FHIT: variants seen among roughly 807,000 people sequenced by gnomAD.
FHIT encodes the protein bis(5'-adenosyl)-triphosphatase.
Under a neutral mutation model 17.9 loss-of-function variants are expected in FHIT, and 19 were observed. The ratio of observed to expected loss-of-function variants is 1.06; its 90% CI spans 0.74 to 1.56. FHIT has a LOEUF of 1.56. Among genes scored for constraint, FHIT ranks in the 40% most tolerant of loss-of-function variants. The pLI, the probability that FHIT is intolerant of heterozygous loss-of-function variation, is 0.00. For synonymous variants in FHIT, 81 were observed against 69.7 expected, an observed-to-expected ratio of 1.16 and a Z score of -0.81; for missense variants, 248 against 189.2, an observed-to-expected ratio of 1.31 and a Z score of -1.82.
chr3:61,165,831 G>GA (rs1466557308), intron 2 of FHIT: 8 of 149,766 alleles, frequency 5.3e-5, no homozygotes, highest in Non-Finnish European at 1.2e-4. Context: ...GTGAGACTCT[G>GA]AAAAAAAAAG....
chr3:60,317,161 T>A (rs1230128247), intron 5 of FHIT, among the ~76,000 whole-genome samples: 1 of 151,428 alleles, frequency 6.6e-6, no homozygotes, highest in Non-Finnish European at 1.5e-5. Context: ...ATTATATTTT[T>A]AAAAATTCAA....
chr3:60,952,980 A>T (rs557742681), intron 3 of FHIT, among the ~76,000 whole-genome samples: 7 of 152,266 alleles, frequency 4.6e-5, no homozygotes, highest in African/African-American at 1.7e-4. Flanking sequence ...CTTTTCTCCC[A>T]TTAATCTATC....
At chr3:59,785,255 C>T (rs1702788059) in intron 8 of FHIT, among the ~76,000 whole-genome samples, 1 of 151,642 alleles carries the variant, frequency 6.6e-6, no homozygotes, top group Non-Finnish European at 1.5e-5. Flanking sequence ...CTATTTATGG[C>T]ATATTATAAA....
intron 7 of FHIT, among the ~76,000 whole-genome samples, chr3:59,952,934 T>C (rs1707194394): frequency 6.6e-6 from 1 of 152,046 alleles, no homozygotes; most frequent in African/African-American, 2.4e-5. Flanking sequence ...TTGAGTAGAA[T>C]GGTCCACAAT....
intron 4 of FHIT, among the ~76,000 whole-genome samples, chr3:60,689,967 T>C (rs1553699186): frequency 6.6e-6 from 1 of 152,236 alleles, no homozygotes; most frequent in Admixed American, 6.5e-5. Flanking sequence ...GTTTAATTAT[T>C]AACAACCAGC....
intron 5 of FHIT, among the ~76,000 whole-genome samples, chr3:60,028,777 C>G (rs1700860788): frequency 1.3e-5 from 2 of 152,094 alleles, no homozygotes; most frequent in African/African-American, 4.8e-5. Flanking sequence ...TTAGTAAAGA[C>G]AAACTTATTA....
intron 5 of FHIT, among the ~76,000 whole-genome samples, chr3:60,514,261 T>C (rs2035060899): frequency 6.6e-6 from 1 of 152,234 alleles, no homozygotes; most frequent in Admixed American, 6.5e-5. Context: ...ATGGCAAGGC[T>C]AAAAGAGCAT....
intron 4 of FHIT, among the ~76,000 whole-genome samples, chr3:60,694,568 A>G (rs1376052638): frequency 5.3e-5 from 8 of 152,234 alleles, no homozygotes; most frequent in African/African-American, 1.9e-4. Flanking sequence ...TACTGGGTAT[A>G]TACCCAAAGG....
In FHIT at chr3:60,537,565, G is replaced by A. The variant is rs938690683; in HGVS notation, c.-17-586C>T. On this transcript the variant is annotated intron_variant, in intron 4 of 9. Coordinates refer to ENST00000492590, the MANE Select transcript of FHIT (RefSeq NM_002012.4). ...TTAAAAAGAAGGAAGGAGCAAAACG[G>A]AGTTCAAAACTAGAACAATTCCTGG... is the stretch of plus-strand genomic sequence containing the variant. The A allele has an allele frequency of 1.1e-5, 6 of 556,314 alleles. No individual in the cohort carries two copies. The African/African-American group carries it at 1.2e-4, about 11-fold the overall frequency. 34.5% of individuals were successfully genotyped at this position (556,314 alleles called of 1,614,324 possible).
intron 7 of FHIT, among the ~76,000 whole-genome samples, chr3:59,985,824 C>T (rs779438941): frequency 3.7e-4 from 57 of 152,028 alleles, no homozygotes; most frequent in Non-Finnish European, 6.6e-4. Context: ...TCCGTCACAG[C>T]GCAGGTGTCC....
chr3:59,961,622 T>C (rs983895534), intron 7 of FHIT, among the ~76,000 whole-genome samples: 18 of 152,068 alleles, frequency 1.2e-4, no homozygotes, highest in African/African-American at 4.3e-4. Flanking sequence ...GAGCGCACCA[T>C]TCCTCAAGGC....
chr3:60,169,005 T>TA (rs1411224972), intron 5 of FHIT, among the ~76,000 whole-genome samples: 1 of 152,140 alleles, frequency 6.6e-6, no homozygotes, highest in Non-Finnish European at 1.5e-5. Context: ...GCACTTGAAA[T>TA]ACAGTTGGAG....
In FHIT at chr3:60,252,814, C is replaced by A. The variant is rs186941402; in HGVS notation, c.104-238662G>T. Among the ~76,000 whole-genome samples the A allele has an allele frequency of 3.4e-5, 5 of 146,224 alleles. 1 individual carries two copies. In the South Asian group the frequency reaches 1.1e-3, roughly 33 times the overall value. On this transcript the variant is annotated intron_variant, in intron 5 of 9. Transcript: ENST00000492590. Reference sequence around the variant, plus strand: ...GACCATCCTGGCTAACAAGGCGAAACCCCTTCTCAACTTAAAAAAAAATAC... The same window carrying A: ...GACCATCCTGGCTAACAAGGCGAAAACCCTTCTCAACTTAAAAAAAAATAC...
chr3:61,193,733 A>G (rs1197516261), intron 2 of FHIT, among the ~76,000 whole-genome samples: 1 of 152,174 alleles, frequency 6.6e-6, no homozygotes, highest in Non-Finnish European at 1.5e-5. Flanking sequence ...TTGACACATC[A>G]TGAGCAACCA....
At chr3:60,279,798 G>T (rs1047158554) in intron 5 of FHIT, among the ~76,000 whole-genome samples, 2 of 152,026 alleles carry the variant, frequency 1.3e-5, no homozygotes, top group South Asian at 4.1e-4. Flanking sequence ...TTGGGAGGCC[G>T]AGACGGGCAG....
At chr3:60,295,798 GA>G (rs1708178153) in intron 5 of FHIT, among the ~76,000 whole-genome samples, 2 of 152,112 alleles carry the variant, frequency 1.3e-5, no homozygotes, top group Admixed American at 1.3e-4. Flanking sequence ...ATAGAGAAAG[GA>G]TAGCTTTTCC....
At position 60,479,715 on chromosome 3, in the gene FHIT, G is replaced by A. The variant is rs147875037; in HGVS notation, c.103+57145C>T. The stretch of plus-strand genomic sequence containing the variant: ...CTCTACCTCCTGTCAGATCAGAGTC[G>A]GTATTAGATTCTGATAGAAGCATGA... On this transcript the variant is annotated intron_variant, in intron 5 of 9. Transcript: ENST00000492590. 2.4e-3 allele frequency among the ~76,000 whole-genome samples: 363 copies of A among 152,224 alleles called. 1 individual carries two copies. Among genetic ancestry groups the A allele is most frequent in the African/African-American group, 7.9e-3 (326 of 41,526 alleles).
intron 5 of FHIT, among the ~76,000 whole-genome samples, chr3:60,058,681 A>G (rs1702184000): frequency 6.6e-6 from 1 of 152,178 alleles, no homozygotes; most frequent in Non-Finnish European, 1.5e-5. Context: ...AGTGACACAA[A>G]AGATGATCTA....
intron 5 of FHIT, among the ~76,000 whole-genome samples, chr3:60,165,335 G>T (rs1701122901): frequency 6.6e-6 from 1 of 152,210 alleles, no homozygotes; most frequent in East Asian, 1.9e-4. Context: ...ATGTTTTGTA[G>T]GCTTAAATCT....
Sources: allele counts gnomAD v4.1 joint callset (sites outside exome capture counted in the v4.1 genomes callset), GRCh38; gene constraint gnomAD v4.1.1; transcripts MANE v1.5; gene names NCBI Gene and HGNC (gene_info 2026-07-23, HGNC 2026-07-21).